The following FREM2 variants were observed in gnomAD, a reference collection of about 807,000 sequenced individuals.
The protein encoded by FREM2 is FRAS1 related extracellular matrix 2.
FREM2 carries 119 observed loss-of-function variants against 219.9 expected under a neutral mutation model. The ratio of observed to expected loss-of-function variants is 0.54; its 90% CI spans 0.47 to 0.63. The LOEUF is 0.63. Ranked by LOEUF, FREM2 falls within the 30% of genes least tolerant of loss-of-function variation. The probability of loss-of-function intolerance (pLI) is 0.00; values close to 1 mark genes in which losing one functional copy is unlikely to be tolerated. For synonymous variants in FREM2, 1,562 were observed against 1,522.8 expected (o/e 1.03, Z -0.60); for missense variants, 4,030 against 3,993.6 (o/e 1.01, Z -0.25).
At chr13:38,854,596 A>T (rs527945604) in intron 11 of FREM2, among the ~76,000 whole-genome samples, 2 of 152,332 alleles carry the variant, frequency 1.3e-5, no homozygotes, top group South Asian at 4.1e-4. Flanking sequence ...CATACAGGTC[A>T]AATCAAACAA....
rs376427701 is a variant in FREM2, at chr13:38,688,552, A to C, written c.1208A>C (p.Asp403Ala). 1 of 1,613,548 alleles carries C rather than the reference A, an allele frequency of 6.2e-7. No individual in the cohort carries two copies. The highest frequency in any genetic ancestry group is 1.3e-5 in the African/African-American group (1 of 74,886). The change falls in exon 1 of 24, where the codon GAC becomes GCC. Residue 403 changes from aspartate to alanine, a missense_variant. Around this residue, in one of 2 missense-constraint regions of FREM2, gnomAD observed 3,102 missense variants for 2,950.7 expected, o/e 1.05. Coordinates refer to ENST00000280481, the MANE Select transcript of FREM2 (RefSeq NM_207361.6). ...TACCAGCCCCCTTCTGAAGACTCTG[A>C]CCAGGAGCGCCTCTTTGAACTGGAA... ...IAYQPPSEDSDQERLFELELE... is the reference protein window; with the variant it reads ...IAYQPPSEDSAQERLFELELE...
Position 38,688,934 on chromosome 13 carries a change from C to T in FREM2, c.1590C>T (p.Asp530=). ...ATGACAGAGACGGCTCGCTGAGCGA[C>T]AACCTGGTGCTTCGCATGGTGGATG... ...QHDDRDGSLS[D]NLVLRMVDGG... is the part of the protein sequence containing the mutation. Residue 530 remains aspartate (D), a synonymous_variant, in exon 1 of 24, where the codon GAC becomes GAT. Coordinates refer to ENST00000280481, the MANE Select transcript of FREM2 (RefSeq NM_207361.6). 1.9e-6 allele frequency: 3 copies of T among 1,612,840 alleles called. No homozygotes were observed. Among genetic ancestry groups the T allele is most frequent in the Non-Finnish European group, 8.5e-7 (1 of 1,179,404 alleles).
Position 38,880,978 on chromosome 13 carries a change from C to G in FREM2, c.*191C>G, listed in dbSNP as rs1268800780. 5.6e-6 allele frequency: 4 copies of G among 710,652 alleles called. No homozygotes were observed. Among genetic ancestry groups the G allele is most frequent in the Non-Finnish European group, 9.6e-6 (4 of 418,232 alleles). The allele number at this position is 710,652 out of a possible 1,614,324, so 44.0% of individuals were successfully genotyped here. A position where few individuals can be genotyped will look rare whatever the true frequency, so the allele number is the denominator to read the frequency against. Reference sequence around the variant, plus strand: ...TTTTGCATCAAAGGACAAATTAAGGCATCTTTCCTCTTGCCCCAAAGGCAG... The same window carrying G: ...TTTTGCATCAAAGGACAAATTAAGGGATCTTTCCTCTTGCCCCAAAGGCAG... On this transcript the variant is annotated 3_prime_UTR_variant, in exon 24 of 24. Coordinates refer to ENST00000280481, the MANE Select transcript of FREM2 (RefSeq NM_207361.6).
At chr13:38,813,814 T>C (rs1875641562) in intron 6 of FREM2, among the ~76,000 whole-genome samples, 1 of 151,624 alleles carries the variant, frequency 6.6e-6, no homozygotes, top group South Asian at 2.1e-4. Flanking sequence ...CTACCTTCTC[T>C]TTAAGGCCAA....
At chr13:38,694,588 A>G (rs1440851294) in intron 1 of FREM2, among the ~76,000 whole-genome samples, 1 of 152,214 alleles carries the variant, frequency 6.6e-6, no homozygotes, top group Non-Finnish European at 1.5e-5. Flanking sequence ...GGGATAAGGT[A>G]AACCTATATT....
Position 38,690,033 on chromosome 13 carries a change from C to G in FREM2, c.2689C>G (p.Gln897Glu), listed in dbSNP as rs764607184. 1 of 1,613,936 alleles carries G rather than the reference C, an allele frequency of 6.2e-7. No homozygotes were observed. The highest frequency in any genetic ancestry group is 8.5e-7 in the Non-Finnish European group (1 of 1,180,018). ...TCTCTTCCACTTGGAGGACATAAAA[C>G]AGGGCCGAGTTTCCTATGCCCATAA... is the stretch of plus-strand genomic sequence containing the variant. ...GGLFHLEDIK[Q>E]GRVSYAHNGD... is the part of the protein sequence containing the mutation. Residue 897 changes from glutamine (Q) to glutamate (E), a missense_variant, in exon 1 of 24, where the codon CAG (glutamine) becomes GAG (glutamate). Gln to Glu is a conservative substitution (Grantham distance 29). Transcript: ENST00000280481.
intron 6 of FREM2, among the ~76,000 whole-genome samples, chr13:38,785,873 C>G (rs2137833020): frequency 6.6e-6 from 1 of 152,226 alleles, no homozygotes; most frequent in African/African-American, 2.4e-5. Flanking sequence ...TTACCTTTTA[C>G]TGTATGTTGT....
chr13:38,840,644 A>ATATATATATATGTGTG (rs1184958401), intron 6 of FREM2, among the ~76,000 whole-genome samples: 24 of 134,318 alleles, frequency 1.8e-4, no homozygotes, highest in African/African-American at 6.6e-4. Context: ...ATATATATAT[A>ATATATATATATGTGTG]TGTGTATGTA....
intron 11 of FREM2, among the ~76,000 whole-genome samples, chr13:38,853,563 A>G (rs1877454476): frequency 6.6e-6 from 1 of 152,210 alleles, no homozygotes; most frequent in Admixed American, 6.5e-5. Flanking sequence ...AAAACAACTG[A>G]TAGGTATCAC....
At chr13:38,763,551 A>G (rs1873319363) in intron 2 of FREM2, among the ~76,000 whole-genome samples, 1 of 144,056 alleles carries the variant, frequency 6.9e-6, no homozygotes. Flanking sequence ...CTCTGAAATA[A>G]TTGGTGTAGA....
chr13:38,865,677 G>A (rs1877936866), intron 16 of FREM2, among the ~76,000 whole-genome samples: 2 of 152,212 alleles, frequency 1.3e-5, no homozygotes, highest in South Asian at 4.1e-4. Context: ...GGACTCAGAG[G>A]TGGTGAGACA....
intron 4 of FREM2, among the ~76,000 whole-genome samples, chr13:38,774,060 A>G (rs761606045): frequency 1.3e-5 from 2 of 151,756 alleles, no homozygotes; most frequent in African/African-American, 4.8e-5. Flanking sequence ...CCCCTGAGTT[A>G]TGTTCTTCTA....
rs780166109 is a variant in FREM2, at chr13:38,687,839, G to A, written c.495G>A (p.Val165=). 6.4e-7 allele frequency: 1 copy of A among 1,558,180 alleles called. No homozygotes were observed. Among genetic ancestry groups the A allele is most frequent in the Admixed American group, 1.8e-5 (1 of 55,338 alleles). ...LRYDAPGGAV[V]LPLVLEVEVV... is the part of the protein sequence containing the mutation. Reference sequence around the variant, plus strand: ...ATGACGCGCCCGGAGGGGCAGTAGTGCTACCACTGGTACTGGAGGTGGAGG... The same window carrying A: ...ATGACGCGCCCGGAGGGGCAGTAGTACTACCACTGGTACTGGAGGTGGAGG... The change falls in exon 1 of 24, where the codon GTG becomes GTA. Residue 165 remains valine, a synonymous_variant. Coordinates refer to ENST00000280481, the MANE Select transcript of FREM2 (RefSeq NM_207361.6).
chr13:38,839,972 T>C (rs9548480), intron 6 of FREM2, among the ~76,000 whole-genome samples: 21,514 of 151,986 alleles, frequency 0.14, 1,762 homozygotes, highest in Admixed American at 0.24. Context: ...AATGGTTCTG[T>C]CTTGCTGGTA....
intron 4 of FREM2, among the ~76,000 whole-genome samples, chr13:38,771,745 T>C (rs565487924): frequency 6.6e-6 from 1 of 152,298 alleles, no homozygotes; most frequent in African/African-American, 2.4e-5. Flanking sequence ...TCCATAATGC[T>C]TGGTATGCTC....
At position 38,784,791 on chromosome 13, in the gene FREM2, T is replaced by A. The variant is rs758622922; in HGVS notation, c.6002T>A (p.Val2001Asp). 1 of 1,614,176 alleles carries A rather than the reference T, an allele frequency of 6.2e-7. No homozygotes were observed. The highest frequency in any genetic ancestry group is 8.5e-7 in the Non-Finnish European group (1 of 1,180,022). The change falls in exon 6 of 24, where the codon GTT becomes GAT. Residue 2001 changes from valine (V) to aspartate (D), a missense_variant. Val to Asp is a radical substitution (Grantham distance 152). Transcript: ENST00000280481. Reference sequence around the variant, plus strand: ...TTCCCAGGGGCTCAAGTTACAATCGTTCCTGACAAAGATGATGGTGAGTAC... The same window carrying A: ...TTCCCAGGGGCTCAAGTTACAATCGATCCTGACAAAGATGATGGTGAGTAC... ...SEFPGAQVTI[V>D]PDKDDEPIFY... is the part of the protein sequence containing the mutation.
intron 2 of FREM2, 126 bp downstream of exon 2, chr13:38,697,913 A>G: frequency 2.8e-6 from 2 of 713,482 alleles, no homozygotes; most frequent in Admixed American, 2.0e-5. Context: ...TTAACCTGGT[A>G]TTTGCTGTAG....
At chr13:38,852,795 C>T (rs1003285701) in intron 11 of FREM2, among the ~76,000 whole-genome samples, 5 of 150,240 alleles carry the variant, frequency 3.3e-5, no homozygotes, top group Admixed American at 1.3e-4. Flanking sequence ...GTCTCCGTGT[C>T]TTAGGTTCAA....
intron 4 of FREM2, among the ~76,000 whole-genome samples, chr13:38,777,142 A>T (rs1264152913): frequency 2.0e-5 from 3 of 152,212 alleles, no homozygotes; most frequent in Non-Finnish European, 4.4e-5. Flanking sequence ...TTATAAAAGT[A>T]TACATACTTT....
Sources: allele counts gnomAD v4.1 joint callset (sites outside exome capture counted in the v4.1 genomes callset), GRCh38; gene constraint gnomAD v4.1.1; regional missense constraint gnomAD v4.1.1; transcripts MANE v1.5; gene names NCBI Gene and HGNC (gene_info 2026-07-23, HGNC 2026-07-21).